CFAP46: variants seen among roughly 807,000 people sequenced by gnomAD.
CFAP46 encodes cilia- and flagella-associated protein 46.
CFAP46 carries 245 observed loss-of-function variants against 325.7 expected under a neutral mutation model. The ratio of observed to expected loss-of-function variants is 0.75; its 90% CI spans 0.68 to 0.84. CFAP46 has a LOEUF of 0.84. Ranked by LOEUF, CFAP46 falls within the 40% of genes least tolerant of loss-of-function variation. The probability of loss-of-function intolerance (pLI) is 0.00; values close to 1 mark genes in which losing one functional copy is unlikely to be tolerated. For synonymous variants in CFAP46, 1,523 were observed against 1,495.9 expected, an observed-to-expected ratio of 1.02 and a Z score of -0.42; for missense variants, 3,346 against 3,543.0, an observed-to-expected ratio of 0.94 and a Z score of 1.41.
chr10:132,872,429 T>C, intron 32 of CFAP46: 1 of 458,452 alleles, frequency 2.2e-6, no homozygotes, highest in Non-Finnish European at 4.0e-6. Context: ...AATATATTTT[T>C]TAAATTTTTT....
At chr10:132,896,253 T>C (rs574835244) in intron 24 of CFAP46, among the ~76,000 whole-genome samples, 29 of 150,616 alleles carry the variant, frequency 1.9e-4, no homozygotes, top group Non-Finnish European at 3.5e-4. Context: ...CCAGGCTGTG[T>C]GTGCCACATG....
At chr10:132,908,978 T>C (rs1290901851) in intron 21 of CFAP46, among the ~76,000 whole-genome samples, 159 bp downstream of exon 21, 1 of 151,696 alleles carries the variant, frequency 6.6e-6, no homozygotes, top group Non-Finnish European at 1.5e-5. Context: ...CTGAAGGAAG[T>C]GCGTCGAGGG....
At chr10:132,905,122 A>G (rs1849438752) in intron 22 of CFAP46, among the ~76,000 whole-genome samples, 1 of 151,444 alleles carries the variant, frequency 6.6e-6, no homozygotes, top group Non-Finnish European at 1.5e-5. Context: ...TCACTTTTGT[A>G]TTGTCAAAAT....
intron 16 of CFAP46, among the ~76,000 whole-genome samples, chr10:132,917,233 G>A (rs372959051): frequency 7.9e-5 from 12 of 152,358 alleles, no homozygotes; most frequent in African/African-American, 2.4e-4. Flanking sequence ...TGCCTAAATC[G>A]GCAGGTGCCC....
At chr10:132,865,135 C>A (rs1848794884) in intron 35 of CFAP46, among the ~76,000 whole-genome samples, 1 of 152,242 alleles carries the variant, frequency 6.6e-6, no homozygotes, top group Non-Finnish European at 1.5e-5. Context: ...CTGCCTCACC[C>A]TCCCAGTGAA....
At chr10:132,836,942 G>C in intron 44 of CFAP46, 28 bp from the exon 45 acceptor site, 1 of 1,532,636 alleles carries the variant, frequency 6.5e-7, no homozygotes, top group African/African-American at 1.4e-5. Flanking sequence ...GCCATCAGGG[G>C]ATGCATTTAG....
chr10:132,891,437 C>T (rs868264640), intron 25 of CFAP46, among the ~76,000 whole-genome samples: 3 of 152,194 alleles, frequency 2.0e-5, no homozygotes, highest in Admixed American at 6.5e-5. Context: ...ACAGAGTGGA[C>T]GCTTTGTAGC....
At position 132,909,206 on chromosome 10, in the gene CFAP46, G is replaced by T; in HGVS notation, c.2688C>A (p.Leu896=). 2 of 1,550,362 alleles carry T rather than the reference G, an allele frequency of 1.3e-6. No homozygotes were observed. The highest frequency in any genetic ancestry group is 1.7e-6 in the Non-Finnish European group (2 of 1,146,936). The change falls in exon 21 of 58, where the codon CTC becomes CTA. Residue 896 remains leucine (L), a synonymous_variant. Transcript: ENST00000368586. The stretch of plus-strand genomic sequence containing the variant: ...TGCATGAGTACATTTCCAAGGCAAC[G>T]AGGACTCTGGTCACCGAGCTGACAT... ...NEDVSSVTRV[L]VALEMYSCNG...
chr10:132,924,526 C>T (rs1310729858), intron 11 of CFAP46, among the ~76,000 whole-genome samples, 170 bp downstream of exon 11: 2 of 152,234 alleles, frequency 1.3e-5, no homozygotes, highest in Non-Finnish European at 2.9e-5. Context: ...ACAGAGGACC[C>T]GACGTGCCTG....
At chr10:132,814,316 C>A (rs981401282) in intron 53 of CFAP46, 62 bp from the exon 54 acceptor site, 26 of 1,410,180 alleles carry the variant, frequency 1.8e-5, no homozygotes, top group African/African-American at 4.2e-5. Flanking sequence ...TGTGCAGGGC[C>A]GGGGTCCCTG....
At chr10:132,923,335 C>T (rs1319841251) in intron 11 of CFAP46, among the ~76,000 whole-genome samples, 4 of 135,904 alleles carry the variant, frequency 2.9e-5, no homozygotes, top group Admixed American at 1.4e-4. Context: ...TGCCCTGGAA[C>T]CCCTGGCCTC....
At chr10:132,841,585 G>A (rs1591046716) in intron 44 of CFAP46, among the ~76,000 whole-genome samples, 1 of 152,180 alleles carries the variant, frequency 6.6e-6, no homozygotes, top group African/African-American at 2.4e-5. Flanking sequence ...TCCATCCCTG[G>A]GACGAGTCTC....
At chr10:132,928,703 C>T (rs1370518676) in intron 9 of CFAP46, among the ~76,000 whole-genome samples, 1 of 152,164 alleles carries the variant, frequency 6.6e-6, no homozygotes, top group Non-Finnish European at 1.5e-5. Flanking sequence ...GCTGTGCATC[C>T]GAGGGTCCCC....
At chr10:132,834,915 A>C (rs2135006948) in intron 47 of CFAP46, 140 bp from the exon 48 acceptor site, 2 of 1,251,092 alleles carry the variant, frequency 1.6e-6, no homozygotes, top group East Asian at 5.1e-5. Flanking sequence ...TGGCTCGGCA[A>C]CGAGGGCCCC....
At chr10:132,830,752 AC>A (rs1170641278) in intron 50 of CFAP46, among the ~76,000 whole-genome samples, 1 of 152,124 alleles carries the variant, frequency 6.6e-6, no homozygotes, top group African/African-American at 2.4e-5. Flanking sequence ...TTCTCAAAGC[AC>A]TTGCTTCTGG....
At position 132,939,859 on chromosome 10, in the gene CFAP46, TCA is replaced by T. The variant is rs1023651916; in HGVS notation, c.372-1108_372-1107del. Among the ~76,000 whole-genome samples the T allele has an allele frequency of 6.6e-6, 1 of 152,176 alleles. No homozygotes were observed. Among genetic ancestry groups the T allele is most frequent in the African/African-American group, 2.4e-5 (1 of 41,452 alleles). ...GGCCTCCACATGCCCGTGGTTGGGC[TCA>T]CAGTCTCCTGTCCCACTGACACTGC... On this transcript the variant is annotated intron_variant, in intron 4 of 57. Coordinates refer to ENST00000368586, the MANE Select transcript of CFAP46 (RefSeq NM_001200049.3). The surrounding 1 kb of genome is among the most constrained non-coding windows in gnomAD (Gnocchi z 4.6).
At chr10:132,885,767 G>C (rs1354247176) in intron 26 of CFAP46, 54 bp downstream of exon 26, 2 of 1,403,642 alleles carry the variant, frequency 1.4e-6, no homozygotes, top group Non-Finnish European at 1.9e-6. Context: ...AGGCGGTGGG[G>C]GGAGCACTCA....
intron 18 of CFAP46, 111 bp from the exon 19 acceptor site, chr10:132,912,931 G>C (rs1409497911): frequency 6.7e-7 from 1 of 1,481,874 alleles, no homozygotes; most frequent in African/African-American, 1.4e-5. Context: ...GGGTGCCCAC[G>C]ACCCTCCTCT....
chr10:132,921,176 G>A (rs555811941), intron 13 of CFAP46, among the ~76,000 whole-genome samples: 33 of 152,340 alleles, frequency 2.2e-4, no homozygotes, highest in African/African-American at 7.7e-4. Flanking sequence ...TGCAGTCTGG[G>A]TGACACCTGG....
Sources: gnomAD v4.1 joint callset for allele counts (sites outside exome capture counted in the v4.1 genomes callset) on GRCh38, gnomAD v4.1.1 for gene constraint, Gnocchi (gnomAD v3.1) non-coding constraint, MANE v1.5 for transcripts, NCBI Gene and HGNC (gene_info 2026-07-23, HGNC 2026-07-21) for gene names.